Variants in ITGA4 observed in about 807,000 individuals in gnomAD.
ITGA4 encodes the protein integrin subunit alpha 4.
Under a neutral mutation model 133.6 loss-of-function variants are expected in ITGA4, and 63 were observed. That is an observed-to-expected ratio of 0.47 (90% CI 0.38 to 0.58). ITGA4 has a LOEUF of 0.58. ITGA4 is among the 20% of genes least tolerant of loss of function. ITGA4 has a pLI of 0.00. For missense variants in ITGA4, 1,076 were observed against 1,252.7 expected, an observed-to-expected ratio of 0.86 and a Z score of 2.13; for synonymous variants, 483 against 438.0, an observed-to-expected ratio of 1.10 and a Z score of -1.28.
At chr2:181,502,993 C>A (rs1686312058) in intron 15 of ITGA4, among the ~76,000 whole-genome samples, 2 of 151,858 alleles carry the variant, frequency 1.3e-5, no homozygotes, top group East Asian at 3.9e-4. Context: ...AGGGGGCACA[C>A]CAAGACGGTG....
Position 181,457,422 on chromosome 2 carries a change from C to A in ITGA4, c.-233C>A. 1 of 483,022 alleles carries A rather than the reference C, an allele frequency of 2.1e-6. No individual in the cohort carries two copies. Among genetic ancestry groups the A allele is most frequent in the Admixed American group, 4.1e-5 (1 of 24,308 alleles). 29.9% of individuals were successfully genotyped at this position (483,022 alleles called of 1,614,324 possible). A position where few individuals can be genotyped will look rare whatever the true frequency, so the allele number is the denominator to read the frequency against. On this transcript the variant is annotated 5_prime_UTR_variant, in exon 1 of 28. Coordinates refer to ENST00000397033, the MANE Select transcript of ITGA4 (RefSeq NM_000885.6). Reference sequence around the variant, plus strand: ...AGCACCCGAAGCTCCCGGCTGGCGGCAGAAACCGGGAGTGGGGCCGGGCGA... The same window carrying A: ...AGCACCCGAAGCTCCCGGCTGGCGGAAGAAACCGGGAGTGGGGCCGGGCGA...
chr2:181,470,454 G>A (rs191476553), intron 2 of ITGA4, among the ~76,000 whole-genome samples: 1 of 152,084 alleles, frequency 6.6e-6, no homozygotes, highest in South Asian at 2.1e-4. Flanking sequence ...AACTACCTGG[G>A]GGGCTTCAAA....
intron 20 of ITGA4, among the ~76,000 whole-genome samples, chr2:181,524,776 T>C (rs533204177): frequency 6.6e-6 from 1 of 152,318 alleles, no homozygotes; most frequent in East Asian, 1.9e-4. Flanking sequence ...CATGACTTGC[T>C]ATACAGTTTA....
chr2:181,487,452 A>G (rs1271901911), intron 10 of ITGA4, among the ~76,000 whole-genome samples: 1 of 152,154 alleles, frequency 6.6e-6, no homozygotes, highest in Non-Finnish European at 1.5e-5. Flanking sequence ...TTGAGTTCAC[A>G]TCTCCTGAGA....
At chr2:181,496,017 C>G in intron 14 of ITGA4, 80 bp downstream of exon 14, 1 of 1,395,168 alleles carries the variant, frequency 7.2e-7, no homozygotes, top group Non-Finnish European at 9.9e-7. Flanking sequence ...GAGCCCTCAC[C>G]GGTTTTCACC....
At chr2:181,459,673 T>G (rs534208859) in intron 2 of ITGA4, among the ~76,000 whole-genome samples, 16 of 152,262 alleles carry the variant, frequency 1.1e-4, no homozygotes, top group African/African-American at 3.9e-4. Flanking sequence ...ACCCATACAT[T>G]TTGGAATGAT....
intron 2 of ITGA4, among the ~76,000 whole-genome samples, chr2:181,461,284 G>A (rs1685270052): frequency 6.7e-6 from 1 of 150,216 alleles, no homozygotes; most frequent in African/African-American, 2.5e-5. Context: ...AGCACCAAGA[G>A]AGTTGCCTGG....
chr2:181,458,435 A>C, intron 2 of ITGA4, 118 bp downstream of exon 2: 1 of 1,222,218 alleles, frequency 8.2e-7, no homozygotes, highest in Admixed American at 2.1e-5. Flanking sequence ...AAGAGCATAA[A>C]GTTTTCAGTT....
At chr2:181,457,925 C>G in intron 1 of ITGA4, 74 bp downstream of exon 1, 1 of 1,375,552 alleles carries the variant, frequency 7.3e-7, no homozygotes. Context: ...GATTCCCTGC[C>G]CGATTCAAAC....
At chr2:181,474,101 T>C (rs1231640225) in intron 2 of ITGA4, among the ~76,000 whole-genome samples, 1 of 152,202 alleles carries the variant, frequency 6.6e-6, no homozygotes. Flanking sequence ...GCAAAAAGAA[T>C]ATTAGGATAC....
At chr2:181,467,105 C>T (rs1685437276) in intron 2 of ITGA4, among the ~76,000 whole-genome samples, 1 of 151,882 alleles carries the variant, frequency 6.6e-6, no homozygotes, top group East Asian at 1.9e-4. Flanking sequence ...GAATGAATGA[C>T]TCTTTATAAA....
chr2:181,514,113 A>G (rs1204335595), intron 17 of ITGA4, among the ~76,000 whole-genome samples: 1 of 152,160 alleles, frequency 6.6e-6, no homozygotes, highest in Non-Finnish European at 1.5e-5. Flanking sequence ...CTAACAAGCT[A>G]TGAAAATATG....
intron 21 of ITGA4, among the ~76,000 whole-genome samples, 193 bp downstream of exon 21, chr2:181,525,484 G>T (rs1686815169): frequency 6.6e-6 from 1 of 152,048 alleles, no homozygotes; most frequent in African/African-American, 2.4e-5. Flanking sequence ...AATCATCACT[G>T]ATACTACATC....
At chr2:181,535,411 A>ATTATG in intron 27 of ITGA4, 21 bp from the exon 28 acceptor site, 1 of 1,566,488 alleles carries the variant, frequency 6.4e-7, no homozygotes, top group East Asian at 2.2e-5. Flanking sequence ...TACACTAGTG[A>ATTATG]TTATGTTATG....
intron 1 of ITGA4, 71 bp downstream of exon 1, chr2:181,457,922 T>G: frequency 2.2e-6 from 3 of 1,388,866 alleles, no homozygotes; most frequent in African/African-American, 1.4e-5. Context: ...AGGGATTCCC[T>G]GCCCGATTCA....
chr2:181,460,566 A>AATATGTGTGTGTGTGTGTGT (rs79689303), intron 2 of ITGA4, among the ~76,000 whole-genome samples: 6 of 148,070 alleles, frequency 4.1e-5, no homozygotes, highest in African/African-American at 1.2e-4. Context: ...TCTGTAGAAG[A>AATATGTGTGTGTGTGTGTGT]GTGTGTGTGT....
At chr2:181,520,477 T>C (rs1042375648) in intron 17 of ITGA4, among the ~76,000 whole-genome samples, 2 of 152,036 alleles carry the variant, frequency 1.3e-5, no homozygotes, top group Admixed American at 1.3e-4. Context: ...CACCATTATC[T>C]AGTTTGCTTT....
At chr2:181,510,079 A>G (rs756951964) in intron 16 of ITGA4, among the ~76,000 whole-genome samples, 2 of 152,094 alleles carry the variant, frequency 1.3e-5, no homozygotes, top group Non-Finnish European at 2.9e-5. Flanking sequence ...GAAGAAAGAT[A>G]TATTACTAGA....
At chr2:181,490,086 G>A (rs1574392612) in intron 10 of ITGA4, among the ~76,000 whole-genome samples, 2 of 152,250 alleles carry the variant, frequency 1.3e-5, no homozygotes, top group South Asian at 4.1e-4. Context: ...GAACAAAACA[G>A]GATAGGGATT....
Sources: allele counts gnomAD v4.1 joint callset (sites outside exome capture counted in the v4.1 genomes callset), GRCh38; gene constraint gnomAD v4.1.1; transcripts MANE v1.5; gene names NCBI Gene and HGNC (gene_info 2026-07-23, HGNC 2026-07-21).